The following ANKRD30B variants were observed in gnomAD, a reference collection of about 807,000 sequenced individuals.
ANKRD30B encodes ankyrin repeat domain-containing protein 30B.
A neutral mutation model predicts 202.2 loss-of-function variants in ANKRD30B; 144 were observed. That is an observed-to-expected ratio of 0.71 (90% CI 0.62 to 0.82). The LOEUF is 0.82. Ranked by LOEUF, ANKRD30B falls within the 40% of genes least tolerant of loss-of-function variation. The pLI is 0.00. For missense variants in ANKRD30B, 1,487 were observed against 1,669.1 expected (o/e 0.89, Z 1.90); for synonymous variants, 508 against 561.3 (o/e 0.91, Z 1.34).
chr18:14,898,541 T>C, the ANKRD30B span, among the ~76,000 whole-genome samples: 3 of 152,116 alleles, frequency 2.0e-5, no homozygotes, highest in African/African-American at 4.8e-5. Context: ...AGCCCAGGGG[T>C]TGGGGACTCC....
At chr18:14,795,917 A>G (rs1352199036) in intron 16 of ANKRD30B, among the ~76,000 whole-genome samples, 2 of 150,424 alleles carry the variant, frequency 1.3e-5, no homozygotes, top group Admixed American at 1.3e-4. Flanking sequence ...TTCTTTCCCT[A>G]TACGGCAGAT....
chr18:14,785,865 C>T (rs1225183423), intron 14 of ANKRD30B, among the ~76,000 whole-genome samples: 4 of 151,828 alleles, frequency 2.6e-5, no homozygotes, highest in Non-Finnish European at 4.4e-5. Flanking sequence ...GGTGAAACCC[C>T]GTCTCTACTA....
chr18:14,830,472 G>A (rs921340862), intron 33 of ANKRD30B, among the ~76,000 whole-genome samples: 1 of 152,094 alleles, frequency 6.6e-6, no homozygotes, highest in African/African-American at 2.4e-5. Flanking sequence ...GACATTTGTA[G>A]GTTCAGCTTT....
At chr18:14,790,549 T>C (rs1441853953) in intron 15 of ANKRD30B, among the ~76,000 whole-genome samples, 1 of 152,168 alleles carries the variant, frequency 6.6e-6, no homozygotes, top group African/African-American at 2.4e-5. Flanking sequence ...CTCTTATTAC[T>C]TTGAGATACG....
chr18:14,826,060 A>AG (rs1183810378), intron 32 of ANKRD30B, among the ~76,000 whole-genome samples: 86 of 152,238 alleles, frequency 5.6e-4, no homozygotes, highest in African/African-American at 2.0e-3. Context: ...TAATTGGTTT[A>AG]TACGTATTTC....
rs763946877 is a variant in ANKRD30B, at chr18:14,752,644, T to C, written c.300T>C (p.Asn100=). ...TGGTAGACAGAAAGTGCCAGCTTAATGTCCTTGATGGCGAAGGGAGGACAC... is the reference window on the plus strand; with the variant it reads ...TGGTAGACAGAAAGTGCCAGCTTAACGTCCTTGATGGCGAAGGGAGGACAC... ...TFLVDRKCQL[N]VLDGEGRTPL... Residue 100 remains asparagine (N), a synonymous_variant, in exon 2 of 44, where the codon AAT becomes AAC. Coordinates refer to ENST00000690538, the MANE Select transcript of ANKRD30B (RefSeq NM_001367607.2). The C allele has an allele frequency of 6.2e-7, 1 of 1,609,848 alleles. No individual in the cohort carries two copies. The highest frequency in any genetic ancestry group is 8.5e-7 in the Non-Finnish European group (1 of 1,177,490).
intron 8 of ANKRD30B, among the ~76,000 whole-genome samples, chr18:14,770,805 T>C (rs566184518): frequency 6.7e-6 from 1 of 150,362 alleles, no homozygotes; most frequent in East Asian, 1.9e-4. Flanking sequence ...CTTCAAGCTT[T>C]CTATTGAAAG....
At chr18:14,808,499 A>T (rs771270308) in intron 24 of ANKRD30B, 52 bp from the exon 25 acceptor site, 6 of 1,331,160 alleles carry the variant, frequency 4.5e-6, no homozygotes, top group Non-Finnish European at 6.5e-6. Context: ...AATGCTTGGT[A>T]GGCTTTGTCA....
At chr18:14,879,033 C>T in the ANKRD30B span, among the ~76,000 whole-genome samples, 1 of 152,006 alleles carries the variant, frequency 6.6e-6, no homozygotes, top group Non-Finnish European at 1.5e-5. Flanking sequence ...AGGCCGGGGG[C>T]ACCGCGAGGG....
the ANKRD30B span, among the ~76,000 whole-genome samples, chr18:14,916,006 A>C: frequency 6.6e-6 from 1 of 152,216 alleles, no homozygotes; most frequent in African/African-American, 2.4e-5. Flanking sequence ...ACACTACACC[A>C]TTTTATATTA....
At chr18:14,879,936 T>C in the ANKRD30B span, among the ~76,000 whole-genome samples, 1 of 152,180 alleles carries the variant, frequency 6.6e-6, no homozygotes, top group South Asian at 2.1e-4. Flanking sequence ...ATTTGGGTTC[T>C]TGCTCATGAA....
the ANKRD30B span, chr18:14,883,393 CTCTCTCTA>C: frequency 2.3e-5 from 2 of 86,532 alleles, no homozygotes; most frequent in African/African-American, 1.2e-4. Context: ...CTCTCTCTCT[CTCTCTCTA>C]TATATATATA....
chr18:14,924,902 G>A, the ANKRD30B span, among the ~76,000 whole-genome samples: 2 of 152,204 alleles, frequency 1.3e-5, no homozygotes, highest in African/African-American at 4.8e-5. Flanking sequence ...CCATGTCCTG[G>A]CTAACCACTT....
At chr18:14,824,432 C>A (rs894383969) in intron 32 of ANKRD30B, among the ~76,000 whole-genome samples, 5 of 148,494 alleles carry the variant, frequency 3.4e-5, no homozygotes, top group Non-Finnish European at 7.5e-5. Flanking sequence ...TACCTCACTA[C>A]CCCCTCTGCC....
intron 34 of ANKRD30B, among the ~76,000 whole-genome samples, chr18:14,836,061 T>C (rs1213810745): frequency 6.6e-6 from 1 of 152,078 alleles, no homozygotes; most frequent in Non-Finnish European, 1.5e-5. Flanking sequence ...GATTTCATTT[T>C]CAAAATTTCA....
At chr18:14,785,147 G>C (rs1298088483) in intron 14 of ANKRD30B, among the ~76,000 whole-genome samples, 4 of 152,194 alleles carry the variant, frequency 2.6e-5, no homozygotes, top group Admixed American at 6.5e-5. Context: ...TCCTAAAACT[G>C]TAATTCTGAA....
At chr18:14,793,163 C>T (rs753734415) in intron 16 of ANKRD30B, among the ~76,000 whole-genome samples, 31 of 151,862 alleles carry the variant, frequency 2.0e-4, no homozygotes, top group Non-Finnish European at 3.5e-4. Context: ...TTGTAGCATA[C>T]GGGTATGAAA....
At chr18:14,797,552 CT>C (rs1228740477) in intron 18 of ANKRD30B, 108 bp from the exon 19 acceptor site, 11 of 1,290,110 alleles carry the variant, frequency 8.5e-6, no homozygotes, top group Non-Finnish European at 1.1e-5. Flanking sequence ...AGTGTAATCC[CT>C]TTCCAATCCA....
chr18:14,819,858 T>A (rs1193865749), intron 30 of ANKRD30B, among the ~76,000 whole-genome samples: 1 of 152,190 alleles, frequency 6.6e-6, no homozygotes, highest in Non-Finnish European at 1.5e-5. Flanking sequence ...TCATTTTTGG[T>A]TCCATATGAA....
Sources: allele counts gnomAD v4.1 joint callset (sites outside exome capture counted in the v4.1 genomes callset), GRCh38; gene constraint gnomAD v4.1.1; transcripts MANE v1.5; gene names NCBI Gene and HGNC (gene_info 2026-07-23, HGNC 2026-07-21).